PEX14: variants seen among roughly 807,000 people sequenced by gnomAD.
The protein encoded by PEX14 is peroxisomal membrane protein PEX14.
A neutral mutation model predicts 49.5 loss-of-function variants in PEX14; 15 were observed. The observed-to-expected ratio is 0.30, with a 90% CI of 0.20 to 0.47. The LOEUF (loss-of-function observed/expected upper bound fraction) is 0.47, where lower values mean the gene tolerates loss of function less well. PEX14 is among the 20% of genes least tolerant of loss of function. PEX14 has a pLI of 1.00. For synonymous variants in PEX14, 210 were observed against 212.7 expected, an observed-to-expected ratio of 0.99 and a Z score of 0.11; for missense variants, 398 against 494.8, an observed-to-expected ratio of 0.80 and a Z score of 1.86.
intron 4 of PEX14, among the ~76,000 whole-genome samples, chr1:10,606,197 C>T (rs1210038853): frequency 6.6e-6 from 1 of 152,236 alleles, no homozygotes; most frequent in African/African-American, 2.4e-5. Context: ...GCTCTGTGGT[C>T]TGCAGGAACC....
Position 10,552,862 on chromosome 1 carries a change from C to T in PEX14, c.169+16565C>T, listed in dbSNP as rs537485332. The stretch of plus-strand genomic sequence containing the variant: ...GGAGGAGGTCCCCTTTATCCGAGCC[C>T]TGCAAGAGGATTAGTTGTTTTTAAG... On this transcript the variant is annotated intron_variant, in intron 3 of 8. Coordinates refer to ENST00000356607, the MANE Select transcript of PEX14 (RefSeq NM_004565.3). 5.9e-5 allele frequency among the ~76,000 whole-genome samples: 9 copies of T among 152,196 alleles called. 1 individual carries two copies. Among genetic ancestry groups the T allele is most frequent in the Middle Eastern group, 6.8e-3 (2 of 294 alleles).
intron 3 of PEX14, among the ~76,000 whole-genome samples, chr1:10,544,263 T>G (rs1639104141): frequency 6.6e-6 from 1 of 152,148 alleles, no homozygotes; most frequent in Non-Finnish European, 1.5e-5. Context: ...AATCTCAGAG[T>G]GGCTCTTTTC....
rs181722912 is a variant in PEX14, at chr1:10,609,754, G to A, written c.299-8578G>A. Among the ~76,000 whole-genome samples the A allele has an allele frequency of 3.9e-5, 6 of 152,184 alleles. No homozygotes were observed. The East Asian group carries it at 5.8e-4, about 15-fold the overall frequency. ...ACAAAAATTAGCTGGCCGTGGTGGC[G>A]GGCGCCTGTAATCCCAGCTACTCGA... On this transcript the variant is annotated intron_variant, in intron 4 of 8. Coordinates refer to ENST00000356607, the MANE Select transcript of PEX14 (RefSeq NM_004565.3).
Position 10,525,983 on chromosome 1 carries a change from G to T in PEX14, c.85-10230G>T, listed in dbSNP as rs1223614793. Among the ~76,000 whole-genome samples the T allele has an allele frequency of 5.4e-5, 8 of 148,280 alleles. No individual in the cohort carries two copies. In the East Asian group the frequency reaches 1.6e-3, roughly 29 times the overall value. On this transcript the variant is annotated intron_variant, in intron 2 of 8. Transcript: ENST00000356607. The stretch of plus-strand genomic sequence containing the variant: ...GTCTTCCAGGCTGGAGTGCAGTGGT[G>T]TGATCTTGGCTCACTGCAACCTCTG...
chr1:10,578,234 A>G (rs1640208599), intron 3 of PEX14, among the ~76,000 whole-genome samples: 1 of 152,156 alleles, frequency 6.6e-6, no homozygotes, highest in East Asian at 1.9e-4. Flanking sequence ...CAGAGATTTC[A>G]GTAGCTGCCT....
intron 3 of PEX14, among the ~76,000 whole-genome samples, chr1:10,570,017 G>C (rs1158097601): frequency 6.6e-6 from 1 of 151,912 alleles, no homozygotes; most frequent in Non-Finnish European, 1.5e-5. Context: ...CTCGATAGTT[G>C]GATGGTAGAT....
chr1:10,523,542 T>A (rs939835157), intron 2 of PEX14, among the ~76,000 whole-genome samples: 3 of 152,004 alleles, frequency 2.0e-5, no homozygotes, highest in Non-Finnish European at 4.4e-5. Flanking sequence ...GTCATCTGTT[T>A]AACCCCTTAT....
rs1457500023 is a variant in PEX14, at chr1:10,610,478, T to G, written c.299-7854T>G. On this transcript the variant is annotated intron_variant, in intron 4 of 8. Transcript: ENST00000356607. ...ATTCCAGAGATCAGTGGGCTTTCTT[T>G]TTCGTTTTTCTTTTTTTTTTGAGAT... Among the ~76,000 whole-genome samples, 5 of 151,832 alleles carry G rather than the reference T, an allele frequency of 3.3e-5. No individual in the cohort carries two copies. In the East Asian group the frequency reaches 7.7e-4, roughly 23 times the overall value.
intron 4 of PEX14, among the ~76,000 whole-genome samples, chr1:10,602,423 A>G (rs935674608): frequency 7.0e-6 from 1 of 142,456 alleles, no homozygotes; most frequent in African/African-American, 2.6e-5. Flanking sequence ...AAAACTGCTT[A>G]AAAAAAAAAA....
intron 3 of PEX14, among the ~76,000 whole-genome samples, chr1:10,550,173 T>C (rs1287325198): frequency 6.6e-6 from 1 of 152,096 alleles, no homozygotes; most frequent in Non-Finnish European, 1.5e-5. Flanking sequence ...AGGTTTGCAT[T>C]GGGAAGGTTG....
chr1:10,531,495 T>C (rs1399003603), intron 2 of PEX14, among the ~76,000 whole-genome samples: 1 of 152,176 alleles, frequency 6.6e-6, no homozygotes, highest in Non-Finnish European at 1.5e-5. Flanking sequence ...TGTATGAACG[T>C]AGGAACCTTT....
intron 4 of PEX14, among the ~76,000 whole-genome samples, chr1:10,611,249 C>G (rs868054685): frequency 3.3e-5 from 5 of 152,104 alleles, no homozygotes; most frequent in Non-Finnish European, 4.4e-5. Context: ...GGTGACAGAG[C>G]AAGACTCTGT....
intron 3 of PEX14, among the ~76,000 whole-genome samples, chr1:10,563,776 G>T (rs1639722625): frequency 6.6e-6 from 1 of 152,184 alleles, no homozygotes; most frequent in African/African-American, 2.4e-5. Flanking sequence ...GCCGGGCATG[G>T]TGGCGGGTGC....
intron 1 of PEX14, among the ~76,000 whole-genome samples, chr1:10,482,217 C>T (rs1263437907): frequency 6.6e-6 from 1 of 152,198 alleles, no homozygotes; most frequent in Non-Finnish European, 1.5e-5. Flanking sequence ...CAACCTCTGC[C>T]TCCCAGGTTC....
intron 2 of PEX14, among the ~76,000 whole-genome samples, chr1:10,518,005 T>G (rs1159857232): frequency 2.6e-5 from 4 of 152,190 alleles, no homozygotes; most frequent in Non-Finnish European, 5.9e-5. Context: ...TGTCATGCGT[T>G]ACTTTTCCAT....
chr1:10,527,596 A>G (rs1265103776), intron 2 of PEX14, among the ~76,000 whole-genome samples: 1 of 151,648 alleles, frequency 6.6e-6, no homozygotes, highest in African/African-American at 2.4e-5. Flanking sequence ...TTTGTATTCA[A>G]ATTTATTTTT....
intron 1 of PEX14, among the ~76,000 whole-genome samples, chr1:10,489,160 T>C (rs188751899): frequency 9.9e-4 from 150 of 152,184 alleles, no homozygotes; most frequent in Non-Finnish European, 1.5e-3. Flanking sequence ...TTTGTATTCT[T>C]AGTAGAGACG....
At chr1:10,586,127 A>G (rs1640477810) in intron 3 of PEX14, among the ~76,000 whole-genome samples, 1 of 152,264 alleles carries the variant, frequency 6.6e-6, no homozygotes, top group Admixed American at 6.5e-5. Context: ...GTACAAACAG[A>G]CAAAGCAATC....
intron 2 of PEX14, among the ~76,000 whole-genome samples, chr1:10,525,320 T>TA (rs199862806): frequency 0.12 from 17,260 of 145,518 alleles, 1,222 homozygotes; most frequent in South Asian, 0.25. Context: ...GAAAGATGTG[T>TA]AAAAAAAAAA....
Sources: gnomAD v4.1 joint callset for allele counts (sites outside exome capture counted in the v4.1 genomes callset) on GRCh38, gnomAD v4.1.1 for gene constraint, MANE v1.5 for transcripts, NCBI Gene and HGNC (gene_info 2026-07-23, HGNC 2026-07-21) for gene names.